The following ABR variants were observed in gnomAD, a reference collection of about 807,000 sequenced individuals.
The protein encoded by ABR is active breakpoint cluster region-related protein.
ABR carries 35 observed loss-of-function variants against 107.2 expected under a neutral mutation model. The observed-to-expected ratio is 0.33, with a 90% CI of 0.25 to 0.43. ABR has a LOEUF of 0.43. Among genes scored for constraint, ABR ranks in the 20% least tolerant of loss-of-function variants. The probability of loss-of-function intolerance (pLI) is 1.00; values close to 1 mark genes in which losing one functional copy is unlikely to be tolerated. For missense variants in ABR, 815 were observed against 1,115.2 expected (o/e 0.73, Z 3.83); for synonymous variants, 498 against 462.0 (o/e 1.08, Z -1.00).
intron 16 of ABR, among the ~76,000 whole-genome samples, chr17:1,042,182 A>G (rs1474664567): frequency 6.6e-6 from 1 of 152,166 alleles, no homozygotes; most frequent in Non-Finnish European, 1.5e-5. Flanking sequence ...GGACGGACAG[A>G]CGGATAAACA....
chr17:1,222,089 G>T (rs747738164), intron 1 of ABR, among the ~76,000 whole-genome samples: 4 of 44,118 alleles, frequency 9.1e-5, no homozygotes, highest in African/African-American at 2.2e-4. Context: ...TTTCTGAGAC[G>T]GAGTTTCACC....
At chr17:1,066,234 C>T (rs1457058564) in intron 10 of ABR, among the ~76,000 whole-genome samples, 1 of 152,154 alleles carries the variant, frequency 6.6e-6, no homozygotes, top group Non-Finnish European at 1.5e-5. Context: ...GTGAACATGA[C>T]TTGTATGCTA....
intron 1 of ABR, among the ~76,000 whole-genome samples, chr17:1,226,761 T>TAC (rs1640291357): frequency 2.1e-5 from 1 of 47,210 alleles, no homozygotes; most frequent in Non-Finnish European, 5.8e-5. Context: ...GCTGTGCGTG[T>TAC]GTGTGCATGC....
intron 16 of ABR, among the ~76,000 whole-genome samples, chr17:1,021,775 A>T (rs1017909526): frequency 4.1e-5 from 6 of 145,296 alleles, no homozygotes; most frequent in African/African-American, 7.7e-5. Flanking sequence ...GTGCCACTGC[A>T]CTCCAGCCTG....
rs1029777554 is a variant in ABR, at chr17:1,022,998, C to G, written c.1792-9834G>C. On this transcript the variant is annotated intron_variant, in intron 16 of 22. Transcript: ENST00000302538. ...TCTAGCACCTCTGCCTGCCCCACGT[C>G]CGCTCCAGAGCCTCTGCCGGCCCCA... Among the ~76,000 whole-genome samples the G allele has an allele frequency of 2.1e-5, 3 of 146,040 alleles. No homozygotes were observed. In the South Asian group the frequency reaches 6.2e-4, roughly 30 times the overall value.
intron 2 of ABR, among the ~76,000 whole-genome samples, chr17:1,116,176 C>T (rs970287030): frequency 4.6e-5 from 7 of 152,098 alleles, no homozygotes; most frequent in African/African-American, 1.4e-4. Context: ...GCCGAGATTG[C>T]GCCACTGGAC....
intron 1 of ABR, among the ~76,000 whole-genome samples, chr17:1,169,659 TC>T (rs750892662): frequency 6.6e-6 from 1 of 152,140 alleles, no homozygotes; most frequent in Non-Finnish European, 1.5e-5. Context: ...GTCTGCCCCG[TC>T]ATTAACATGC....
At chr17:1,130,309 A>G (rs1165826870) in intron 1 of ABR, among the ~76,000 whole-genome samples, 1 of 152,012 alleles carries the variant, frequency 6.6e-6, no homozygotes, top group East Asian at 1.9e-4. Flanking sequence ...ACACGTAGGG[A>G]ACCTGGGAGC....
chr17:1,012,045 C>T (rs759345164), intron 18 of ABR, 60 bp from the exon 19 acceptor site: 3 of 1,604,528 alleles, frequency 1.9e-6, no homozygotes, highest in Admixed American at 3.3e-5. Flanking sequence ...CCCGTAGCAA[C>T]CCCCACCCAG....
chr17:1,007,319 A>T lies in ABR; in HGVS notation c.2343-7T>A. 1 of 1,613,936 alleles carries T rather than the reference A, an allele frequency of 6.2e-7. No homozygotes were observed. The highest frequency in any genetic ancestry group is 1.1e-5 in the South Asian group (1 of 91,078). On this transcript the variant is annotated splice_region_variant and splice_polypyrimidine_tract_variant and intron_variant, in intron 21 of 22. Coordinates refer to ENST00000302538, the MANE Select transcript of ABR (RefSeq NM_021962.5). ...GGGCTCCTTCTCGGCAACCCTAAGA[A>T]GGAGAAGATGGGGAGGAAAGAAGCC... is the stretch of plus-strand genomic sequence containing the variant.
chr17:1,146,104 G>A (rs2040511849), intron 1 of ABR, among the ~76,000 whole-genome samples: 2 of 152,206 alleles, frequency 1.3e-5, no homozygotes, highest in Non-Finnish European at 2.9e-5. Flanking sequence ...TTCAAGGAGG[G>A]CAGGTAAGAG....
intron 16 of ABR, among the ~76,000 whole-genome samples, chr17:1,018,807 C>T (rs111499511): frequency 1.1e-4 from 16 of 152,342 alleles, no homozygotes; most frequent in African/African-American, 3.4e-4. Context: ...GATGAATCCT[C>T]TACACACAGC....
chr17:1,207,725 C>T lies in ABR; in HGVS notation c.838+21068G>A, dbSNP rs190537130. 2.1e-4 allele frequency among the ~76,000 whole-genome samples: 32 copies of T among 151,462 alleles called. No individual in the cohort carries two copies. In the East Asian group the frequency reaches 4.9e-3, roughly 23 times the overall value. On this transcript the variant is annotated intron_variant, in intron 1 of 22. Coordinates refer to the ABR transcript ENST00000574139. ...CACAGACCTTATGACTTTGTAATTC[C>T]TTGCACAGCCTCTCTTAGAAGATCA... is the stretch of plus-strand genomic sequence containing the variant.
chr17:1,058,205 T>C (rs987644528), intron 11 of ABR, among the ~76,000 whole-genome samples, 160 bp from the exon 12 acceptor site: 10 of 129,702 alleles, frequency 7.7e-5, no homozygotes, highest in Non-Finnish European at 1.4e-4. Context: ...AATGGCAAAA[T>C]CTCGGCTCAC....
At chr17:1,126,180 G>A (rs138353665) in intron 1 of ABR, among the ~76,000 whole-genome samples, 1 of 152,324 alleles carries the variant, frequency 6.6e-6, no homozygotes, top group African/African-American at 2.4e-5. Context: ...CGAGCGGGGT[G>A]TGCAGGTCAG....
At position 1,179,013 on chromosome 17, in the gene ABR, T is replaced by A. The variant is rs1310223338; in HGVS notation, c.61+654A>T. Among the ~76,000 whole-genome samples, 1 of 151,584 alleles carries A rather than the reference T, an allele frequency of 6.6e-6. No individual in the cohort carries two copies. The highest frequency in any genetic ancestry group is 6.6e-5 in the Admixed American group (1 of 15,254). Reference sequence around the variant, plus strand: ...GAACTCGAGAAGGTTTGTTTTTTTTTTCTTCTGAGGGTGGTGGTGATGATG... The same window carrying A: ...GAACTCGAGAAGGTTTGTTTTTTTTATCTTCTGAGGGTGGTGGTGATGATG... On this transcript the variant is annotated intron_variant, in intron 1 of 22. Coordinates refer to ENST00000302538, the MANE Select transcript of ABR (RefSeq NM_021962.5). This position sits in a 1 kb window ranked among gnomAD's most constrained non-coding sequence, Gnocchi z 4.9.
chr17:1,123,613 G>T (rs114001975), intron 2 of ABR, among the ~76,000 whole-genome samples: 277 of 152,328 alleles, frequency 1.8e-3, no homozygotes, highest in Middle Eastern at 0.01. Context: ...GACAGGCAGC[G>T]GCAAAGACCC....
At chr17:1,202,455 G>A (rs528748515) in intron 1 of ABR, among the ~76,000 whole-genome samples, 74 of 152,214 alleles carry the variant, frequency 4.9e-4, no homozygotes, top group African/African-American at 1.5e-3. Context: ...AGGGGATCCC[G>A]GCTGTCTCTT....
intron 10 of ABR, among the ~76,000 whole-genome samples, chr17:1,060,208 C>T (rs1287535454): frequency 1.3e-5 from 2 of 151,876 alleles, no homozygotes; most frequent in Admixed American, 6.6e-5. Flanking sequence ...GTCAGGAGTT[C>T]GAGACCACCC....
Sources: gnomAD v4.1 joint callset for allele counts (sites outside exome capture counted in the v4.1 genomes callset) on GRCh38, gnomAD v4.1.1 for gene constraint, Gnocchi (gnomAD v3.1) non-coding constraint, MANE v1.5 for transcripts, NCBI Gene and HGNC (gene_info 2026-07-23, HGNC 2026-07-21) for gene names.